Variants in SAE1 observed in about 807,000 individuals in gnomAD.
SAE1 encodes SUMO1 activating enzyme subunit 1.
Under a neutral mutation model 40.6 loss-of-function variants are expected in SAE1, and 11 were observed. The observed-to-expected ratio is 0.27, with a 90% confidence interval of 0.17 to 0.45. SAE1 has a LOEUF of 0.45. SAE1 is among the 20% of genes least tolerant of loss of function. The pLI, the probability that SAE1 is intolerant of heterozygous loss-of-function variation, is 1.00. For missense variants in SAE1, 373 were observed against 427.3 expected, an observed-to-expected ratio of 0.87 and a Z score of 1.12; for synonymous variants, 155 against 154.3, an observed-to-expected ratio of 1.00 and a Z score of -0.03.
At chr19:47,132,876 T>G (rs1442799506) in intron 1 of SAE1, among the ~76,000 whole-genome samples, 1 of 142,072 alleles carries the variant, frequency 7.0e-6, no homozygotes. Flanking sequence ...GGTGACAGAG[T>G]GAGGCCCCGT....
At chr19:47,207,335 G>A (rs757863297) in intron 8 of SAE1, among the ~76,000 whole-genome samples, 12 of 152,214 alleles carry the variant, frequency 7.9e-5, no homozygotes, top group Non-Finnish European at 1.0e-4. Context: ...TTTTATGGAT[G>A]AGGAAAAGGG....
At chr19:47,185,522 T>C (rs1291660737) in intron 6 of SAE1, among the ~76,000 whole-genome samples, 1 of 152,114 alleles carries the variant, frequency 6.6e-6, no homozygotes, top group African/African-American at 2.4e-5. Flanking sequence ...GCCAGGCTGA[T>C]CCTGAACTCC....
At chr19:47,170,243 T>C (rs772577285) in intron 6 of SAE1, among the ~76,000 whole-genome samples, 1 of 152,098 alleles carries the variant, frequency 6.6e-6, no homozygotes, top group Non-Finnish European at 1.5e-5. Flanking sequence ...GACAGAGTCT[T>C]GCTCTGTCAC....
intron 2 of SAE1, among the ~76,000 whole-genome samples, chr19:47,148,925 A>T (rs1305580489): frequency 4.6e-5 from 7 of 151,582 alleles, no homozygotes. Context: ...TAGTCTATCT[A>T]TGTTTTTTAA....
chr19:47,167,634 C>A (rs2058402607), intron 5 of SAE1, among the ~76,000 whole-genome samples: 1 of 152,076 alleles, frequency 6.6e-6, no homozygotes, highest in Admixed American at 6.6e-5. Flanking sequence ...ACTTAGCTTC[C>A]CAAATTATGC....
intron 4 of SAE1, among the ~76,000 whole-genome samples, chr19:47,153,813 C>T (rs1368085301): frequency 2.0e-5 from 3 of 152,024 alleles, no homozygotes; most frequent in Admixed American, 6.6e-5. Flanking sequence ...TTTTTTGAGA[C>T]GGAGTTTTGC....
intron 6 of SAE1, among the ~76,000 whole-genome samples, chr19:47,188,349 CAA>C (rs11366843): frequency 9.2e-5 from 13 of 140,570 alleles, no homozygotes; most frequent in African/African-American, 7.7e-5. Context: ...GGCCATGTCT[CAA>C]AAAAAAAAAA....
intron 7 of SAE1, among the ~76,000 whole-genome samples, chr19:47,200,724 A>C (rs1442999143): frequency 6.6e-6 from 1 of 152,070 alleles, no homozygotes; most frequent in Admixed American, 6.6e-5. Context: ...TCTTTTTGTA[A>C]ATAAAGTTTT....
intron 1 of SAE1, among the ~76,000 whole-genome samples, chr19:47,139,478 G>A (rs2058204022): frequency 6.6e-6 from 1 of 152,092 alleles, no homozygotes; most frequent in African/African-American, 2.4e-5. Flanking sequence ...GACCCACTGC[G>A]TCCAGCCTGC....
At position 47,137,703 on chromosome 19, in the gene SAE1, T is replaced by TTG. The variant is rs35991953; in HGVS notation, c.99-5767_99-5766dup. 4.3e-3 allele frequency among the ~76,000 whole-genome samples: 576 copies of TTG among 135,056 alleles called. 3 individuals carry two copies. The highest frequency in any genetic ancestry group is 0.013 in the South Asian group (56 of 4,418). 88.6% of individuals were successfully genotyped at this position (135,056 alleles called of 152,430 possible). The stretch of plus-strand genomic sequence containing the variant: ...GGCGTATGCCGTAACACTCAGCTGA[T>TTG]TGTGTGTGTGTGTGTGTGTGTGTGT... On this transcript the variant is annotated intron_variant, in intron 1 of 8. Transcript: ENST00000270225.
chr19:47,160,504 C>T (rs1427999139), intron 5 of SAE1, among the ~76,000 whole-genome samples: 1 of 150,788 alleles, frequency 6.6e-6, no homozygotes, highest in Non-Finnish European at 1.5e-5. Context: ...ATGCCGTTCT[C>T]CTGCCTCAGC....
intron 8 of SAE1, among the ~76,000 whole-genome samples, chr19:47,205,711 T>C (rs2058683115): frequency 6.6e-6 from 1 of 152,214 alleles, no homozygotes; most frequent in Admixed American, 6.5e-5. Flanking sequence ...GAAAGCCCAC[T>C]GTCTGCCACA....
intron 2 of SAE1, among the ~76,000 whole-genome samples, chr19:47,148,762 G>T (rs2058269441): frequency 6.6e-6 from 1 of 151,458 alleles, no homozygotes; most frequent in Non-Finnish European, 1.5e-5. Context: ...TTACAGGCGT[G>T]TGCCACCACG....
intron 3 of SAE1, among the ~76,000 whole-genome samples, chr19:47,151,740 T>G (rs1287420161): frequency 6.6e-6 from 1 of 152,254 alleles, no homozygotes; most frequent in Non-Finnish European, 1.5e-5. Flanking sequence ...CATTTGGACA[T>G]AAGTCTTCAT....
At chr19:47,133,801 G>A (rs1008115076) in intron 1 of SAE1, among the ~76,000 whole-genome samples, 3 of 151,942 alleles carry the variant, frequency 2.0e-5, no homozygotes, top group Non-Finnish European at 4.4e-5. Flanking sequence ...ATGGAGAGCT[G>A]TAGGTTTGGT....
At chr19:47,182,639 A>G (rs953004526) in intron 6 of SAE1, among the ~76,000 whole-genome samples, 3 of 152,136 alleles carry the variant, frequency 2.0e-5, no homozygotes, top group Non-Finnish European at 4.4e-5. Context: ...AATGCGGCTC[A>G]GTGCCTTACA....
In SAE1 at chr19:47,194,975, C is replaced by T. The variant is rs144338694; in HGVS notation, c.734-2258C>T. ...GGCCAGGCTGGTCTCTAACTTCTGA[C>T]CTCGTGATCTGCCTGCCTCGGCCTC... On this transcript the variant is annotated intron_variant, in intron 6 of 8. Transcript: ENST00000270225. Among the ~76,000 whole-genome samples the T allele has an allele frequency of 4.1e-3, 625 of 150,856 alleles. 4 individuals carry two copies. The highest frequency in any genetic ancestry group is 6.4e-3 in the Non-Finnish European group (432 of 67,814).
intron 1 of SAE1, among the ~76,000 whole-genome samples, chr19:47,138,833 A>G (rs1432359014): frequency 6.6e-6 from 1 of 152,162 alleles, no homozygotes; most frequent in Non-Finnish European, 1.5e-5. Flanking sequence ...ACAGTGGGCA[A>G]CACAGACCCC....
intron 3 of SAE1, among the ~76,000 whole-genome samples, chr19:47,151,047 G>A (rs1436721463): frequency 6.6e-6 from 1 of 152,014 alleles, no homozygotes; most frequent in Non-Finnish European, 1.5e-5. Context: ...AACAAATCTT[G>A]ATAAATGTGA....
Sources: allele counts gnomAD v4.1 joint callset (sites outside exome capture counted in the v4.1 genomes callset), GRCh38; gene constraint gnomAD v4.1.1; transcripts MANE v1.5; gene names NCBI Gene and HGNC (gene_info 2026-07-23, HGNC 2026-07-21).